The following PPIP5K2 variants were observed in gnomAD, a reference collection of about 807,000 sequenced individuals.
PPIP5K2 encodes diphosphoinositol pentakisphosphate kinase 2.
Under a neutral mutation model 154.6 loss-of-function variants are expected in PPIP5K2, and 105 were observed. The ratio of observed to expected loss-of-function variants is 0.68; its 90% CI spans 0.58 to 0.80. PPIP5K2 has a LOEUF of 0.80. Ranked by LOEUF, PPIP5K2 falls within the 30% of genes least tolerant of loss-of-function variation. PPIP5K2 has a pLI of 0.00. For missense variants in PPIP5K2, 992 were observed against 1,504.6 expected (o/e 0.66, Z 5.64); for synonymous variants, 480 against 490.3 (o/e 0.98, Z 0.28).
chr5:103,192,878 T>C (rs188545472), intron 29 of PPIP5K2, among the ~76,000 whole-genome samples: 1 of 152,240 alleles, frequency 6.6e-6, no homozygotes, highest in African/African-American at 2.4e-5. Flanking sequence ...CAGAACTAGA[T>C]GAGAAAGTAA....
intron 17 of PPIP5K2, 30 bp downstream of exon 17, chr5:103,159,358 A>G: frequency 6.6e-7 from 1 of 1,520,188 alleles, no homozygotes; most frequent in East Asian, 2.3e-5. Flanking sequence ...TATATTGTGA[A>G]ATATTACACA....
chr5:103,159,434 A>G (rs1795887172), intron 17 of PPIP5K2, 106 bp downstream of exon 17: 3 of 935,172 alleles, frequency 3.2e-6, no homozygotes, highest in Non-Finnish European at 4.4e-6. Flanking sequence ...AAGCAAATAC[A>G]CATGTTATCA....
In PPIP5K2 at chr5:103,190,770, T is replaced by C. The variant is rs1801106128; in HGVS notation, c.3353-72T>C. On this transcript the variant is annotated intron_variant, in intron 28 of 30. Coordinates refer to ENST00000358359, the MANE Select transcript of PPIP5K2 (RefSeq NM_001276277.3). ...TAAACTGTCCAGTTCTAAGCAGTAGTCTTCCTTTCTAATTACTGATTTTTA... is the reference window on the plus strand; with the variant it reads ...TAAACTGTCCAGTTCTAAGCAGTAGCCTTCCTTTCTAATTACTGATTTTTA... 6.5e-6 allele frequency: 9 copies of C among 1,380,148 alleles called. No individual in the cohort carries two copies. In the South Asian group the frequency reaches 1.2e-4, roughly 18 times the overall value. The allele number at this position is 1,380,148 out of a possible 1,614,324, so 85.5% of individuals were successfully genotyped here.
chr5:103,184,694 A>T lies in PPIP5K2; in HGVS notation c.3119A>T (p.Tyr1040Phe), dbSNP rs1554224235. 11 of 1,612,364 alleles carry T rather than the reference A, an allele frequency of 6.8e-6. No homozygotes were observed. Among genetic ancestry groups the T allele is most frequent in the Non-Finnish European group, 9.3e-6 (11 of 1,178,726 alleles). Residue 1040 changes from tyrosine (Y) to phenylalanine (F), a missense_variant, in exon 26 of 31, where the codon TAC becomes TTC. Tyr to Phe is a conservative substitution (Grantham distance 22). This residue lies in a region of PPIP5K2 where 204 missense variants were observed against 224.0 expected (regional missense o/e 0.91). Coordinates refer to ENST00000358359, the MANE Select transcript of PPIP5K2 (RefSeq NM_001276277.3). The stretch of plus-strand genomic sequence containing the variant: ...CAGGTTGTATCTGAAAATGCTAATT[A>T]CCTGAGAACACCAAGAACTCTTGTG... ...WQQVVSENAN[Y>F]LRTPRTLVEQ...
Position 103,208,942 on chromosome 5 carries a change from G to T in PPIP5K2, c.*7308G>T, listed in dbSNP as rs1554232429. ...TAATTTCTCCTTCATTTTCAAACTG[G>T]ATATCATTTCTTTTGTGGTTAATAT... On this transcript the variant is annotated 3_prime_UTR_variant, in exon 31 of 31. Transcript: ENST00000358359. The T allele has an allele frequency of 6.6e-6, 1 of 151,974 alleles. No homozygotes were observed. The highest frequency in any genetic ancestry group is 2.4e-5 in the African/African-American group (1 of 41,360). The allele number at this position is 151,974 out of a possible 1,614,324, so 9.4% of individuals were successfully genotyped here.
chr5:103,187,396 TAA>T lies in PPIP5K2; in HGVS notation c.3352+23_3352+24del. The T allele has an allele frequency of 6.7e-7, 1 of 1,496,096 alleles. No homozygotes were observed. The highest frequency in any genetic ancestry group is 9.0e-7 in the Non-Finnish European group (1 of 1,110,872). 92.7% of individuals were successfully genotyped at this position (1,496,096 alleles called of 1,614,324 possible). A position where few individuals can be genotyped will look rare whatever the true frequency, so the allele number is the denominator to read the frequency against. On this transcript the variant is annotated intron_variant, in intron 28 of 30. Transcript: ENST00000358359. ...CCAATGGTACGTTTTGCTTTTATTT[TAA>T]AAGATACTCCCCTGCTTCATCCCTT...
At position 103,151,189 on chromosome 5, in the gene PPIP5K2, C is replaced by T. The variant is rs1346841762; in HGVS notation, c.907-64C>T. On this transcript the variant is annotated intron_variant, in intron 8 of 30. Transcript: ENST00000358359. Reference sequence around the variant, plus strand: ...TAAAATTTGATATGTTCTGATAGGACTAGAAAACTGTGAATCTTAATAATT... The same window carrying T: ...TAAAATTTGATATGTTCTGATAGGATTAGAAAACTGTGAATCTTAATAATT... 3 of 1,393,236 alleles carry T rather than the reference C, an allele frequency of 2.2e-6. No homozygotes were observed. In the Admixed American group the frequency reaches 6.3e-5, roughly 29 times the overall value. 86.3% of individuals were successfully genotyped at this position (1,393,236 alleles called of 1,614,324 possible). A position where few individuals can be genotyped will look rare whatever the true frequency, so the allele number is the denominator to read the frequency against.
rs1554219983 is a variant in PPIP5K2 at position 103,173,150 on chromosome 5, C to T, written c.2287-5C>T. On this transcript the variant is annotated splice_region_variant and splice_polypyrimidine_tract_variant and intron_variant, in intron 19 of 30. Coordinates refer to ENST00000358359, the MANE Select transcript of PPIP5K2 (RefSeq NM_001276277.3). Reference sequence around the variant, plus strand: ...TTTTTCTAATGTCATGTATTTTTTGCTCAGGAATATGGTATAACTAAAGCT... The same window carrying T: ...TTTTTCTAATGTCATGTATTTTTTGTTCAGGAATATGGTATAACTAAAGCT... 6.3e-7 allele frequency: 1 copy of T among 1,576,814 alleles called. No homozygotes were observed. The highest frequency in any genetic ancestry group is 2.3e-5 in the East Asian group (1 of 44,088).
At chr5:103,121,041 G>C (rs144757124) in intron 1 of PPIP5K2, among the ~76,000 whole-genome samples, 21 of 152,238 alleles carry the variant, frequency 1.4e-4, no homozygotes, top group African/African-American at 4.3e-4. Flanking sequence ...GGGCCAGGGT[G>C]ATGATCCCTG....
intron 2 of PPIP5K2, among the ~76,000 whole-genome samples, chr5:103,131,599 A>G (rs1214128821): frequency 2.0e-5 from 3 of 152,164 alleles, no homozygotes; most frequent in South Asian, 2.1e-4. Flanking sequence ...TCTTCAGTGC[A>G]TAGTATGATG....
chr5:103,156,771 T>C (rs1795481908), intron 14 of PPIP5K2, among the ~76,000 whole-genome samples: 2 of 152,204 alleles, frequency 1.3e-5, no homozygotes, highest in Non-Finnish European at 2.9e-5. Context: ...TGCTTTGACC[T>C]GAATTCTGCT....
chr5:103,142,870 C>A (rs989294999), intron 5 of PPIP5K2, among the ~76,000 whole-genome samples: 3 of 151,960 alleles, frequency 2.0e-5, no homozygotes, highest in South Asian at 2.1e-4. Context: ...CTAACACTGT[C>A]ATTGTGGTGT....
At chr5:103,125,502 A>G (rs1789510758) in intron 1 of PPIP5K2, among the ~76,000 whole-genome samples, 1 of 151,232 alleles carries the variant, frequency 6.6e-6, no homozygotes, top group South Asian at 2.1e-4. Context: ...CTCATATACT[A>G]AAGTGGAATA....
chr5:103,139,846 C>A, intron 5 of PPIP5K2, among the ~76,000 whole-genome samples: 1 of 152,114 alleles, frequency 6.6e-6, no homozygotes, highest in East Asian at 1.9e-4. Context: ...TAATTCAAAA[C>A]AAGCCAAAAT....
rs1562434032 is a variant in PPIP5K2, at chr5:103,158,174, C to T, written c.1490-14C>T. Reference sequence around the variant, plus strand: ...AAACTTAACATTTGTTTTATTCATTCATATGTGTCATAGACAGCCGAAGAG... The same window carrying T: ...AAACTTAACATTTGTTTTATTCATTTATATGTGTCATAGACAGCCGAAGAG... On this transcript the variant is annotated splice_polypyrimidine_tract_variant and intron_variant, in intron 14 of 30. Coordinates refer to ENST00000358359, the MANE Select transcript of PPIP5K2 (RefSeq NM_001276277.3). 6.2e-7 allele frequency: 1 copy of T among 1,608,672 alleles called. No homozygotes were observed.
At chr5:103,190,101 G>A (rs1800989204) in intron 28 of PPIP5K2, among the ~76,000 whole-genome samples, 1 of 151,878 alleles carries the variant, frequency 6.6e-6, no homozygotes, top group Non-Finnish European at 1.5e-5. Flanking sequence ...AACATAAACT[G>A]TGTATTTAAG....
At chr5:103,167,963 T>C in intron 18 of PPIP5K2, 109 bp from the exon 19 acceptor site, 1 of 669,718 alleles carries the variant, frequency 1.5e-6, no homozygotes, top group Non-Finnish European at 2.4e-6. Flanking sequence ...TCTAACTTCA[T>C]ACAGTTGTAT....
chr5:103,196,910 G>A (rs1802167718), intron 30 of PPIP5K2, among the ~76,000 whole-genome samples: 2 of 151,940 alleles, frequency 1.3e-5, no homozygotes, highest in Non-Finnish European at 2.9e-5. Context: ...GGAAAAAGAA[G>A]GATCATCAAC....
At position 103,120,340 on chromosome 5, in the gene PPIP5K2, TACTG is replaced by T. The variant is rs1289969783; in HGVS notation, c.-431_-428del. On this transcript the variant is annotated 5_prime_UTR_variant, in exon 1 of 31. The change creates a premature stop within an existing upstream ORF in the 5' untranslated region. Coordinates refer to ENST00000358359, the MANE Select transcript of PPIP5K2 (RefSeq NM_001276277.3). ...TTCCCTTATGTGGCCCTATAGCTGT[TACTG>T]AAGGAAGTAGCCTACGTCCACGCCT... is the stretch of plus-strand genomic sequence containing the variant. The T allele has an allele frequency of 1.1e-5, 5 of 450,998 alleles. No homozygotes were observed. Among genetic ancestry groups the T allele is most frequent in the Non-Finnish European group, 2.2e-5 (5 of 223,240 alleles). 27.9% of individuals were successfully genotyped at this position (450,998 alleles called of 1,614,324 possible).
Sources: gnomAD v4.1 joint callset for allele counts (sites outside exome capture counted in the v4.1 genomes callset) on GRCh38, gnomAD v4.1.1 for gene constraint, gnomAD v4.1.1 regional missense constraint, MANE v1.5 for transcripts, NCBI Gene and HGNC (gene_info 2026-07-23, HGNC 2026-07-21) for gene names.